NAALADL2: variants seen among roughly 807,000 people sequenced by gnomAD.
NAALADL2 encodes inactive N-acetylated-alpha-linked acidic dipeptidase-like protein 2.
In NAALADL2, 76 loss-of-function variants were observed where a neutral mutation model predicts 87.2. The observed-to-expected ratio is 0.87, with a 90% confidence interval of 0.72 to 1.05. The LOEUF (loss-of-function observed/expected upper bound fraction) is 1.05, where lower values mean the gene tolerates loss of function less well. NAALADL2 is among the 50% of genes least tolerant of loss of function. The probability of loss-of-function intolerance (pLI) is 0.00; values close to 1 mark genes in which losing one functional copy is unlikely to be tolerated. For missense variants in NAALADL2, 1,089 were observed against 945.8 expected (o/e 1.15, Z -1.99); for synonymous variants, 354 against 331.0 (o/e 1.07, Z -0.75).
chr3:175,494,684 T>C (rs563366424), intron 9 of NAALADL2, among the ~76,000 whole-genome samples: 7 of 152,200 alleles, frequency 4.6e-5, no homozygotes, highest in African/African-American at 1.4e-4. Context: ...CAGGTACCGA[T>C]TTCCAATCGG....
intron 3 of NAALADL2, among the ~76,000 whole-genome samples, chr3:174,752,732 A>C (rs1734963060): frequency 6.6e-6 from 1 of 151,848 alleles, no homozygotes; most frequent in African/African-American, 2.4e-5. Context: ...TTAATTTTTT[A>C]TGGATAAAAT....
At chr3:174,481,317 A>G (rs73881172) in intron 1 of NAALADL2, among the ~76,000 whole-genome samples, 3 of 152,052 alleles carry the variant, frequency 2.0e-5, no homozygotes, top group African/African-American at 4.8e-5. Flanking sequence ...AGAAAGAGTA[A>G]CATGAGGGGC....
chr3:174,744,977 T>A (rs892546063), intron 3 of NAALADL2, among the ~76,000 whole-genome samples: 3 of 152,110 alleles, frequency 2.0e-5, no homozygotes, highest in Non-Finnish European at 4.4e-5. Flanking sequence ...TAGCACTAAA[T>A]GCCCACATCA....
At chr3:174,794,112 G>A (rs1385165241) in intron 3 of NAALADL2, among the ~76,000 whole-genome samples, 1 of 151,816 alleles carries the variant, frequency 6.6e-6, no homozygotes, top group Non-Finnish European at 1.5e-5. Flanking sequence ...TAGTAGTTAT[G>A]GAATTATTTT....
chr3:175,085,497 C>G (rs763426974), intron 1 of NAALADL2, among the ~76,000 whole-genome samples: 4 of 152,140 alleles, frequency 2.6e-5, no homozygotes, highest in Admixed American at 6.5e-5. Context: ...TGGGGGCTCT[C>G]AAGTGTTATA....
At chr3:174,593,801 T>G (rs1474757480) in intron 2 of NAALADL2, among the ~76,000 whole-genome samples, 1 of 152,162 alleles carries the variant, frequency 6.6e-6, no homozygotes, top group Non-Finnish European at 1.5e-5. Context: ...GGAGGGTAGA[T>G]GTCCAATTTT....
chr3:174,865,418 T>G (rs903428595), intron 1 of NAALADL2, among the ~76,000 whole-genome samples: 1 of 152,016 alleles, frequency 6.6e-6, no homozygotes, highest in Admixed American at 6.6e-5. Flanking sequence ...TCTTGATTCC[T>G]TTGTTCTCTC....
chr3:175,280,013 C>A (rs1754083767), intron 4 of NAALADL2, among the ~76,000 whole-genome samples: 1 of 145,118 alleles, frequency 6.9e-6, no homozygotes, highest in Non-Finnish European at 1.5e-5. Context: ...GGAAAGTTGT[C>A]TTTTCCTTTC....
chr3:174,854,346 A>G (rs113891005), upstream of NAALADL2, among the ~76,000 whole-genome samples: 1,055 of 152,260 alleles, frequency 6.9e-3, 12 homozygotes, highest in African/African-American at 0.024. Context: ...GAACTTGTGG[A>G]GATAGAGAAT....
At chr3:175,251,649 C>T (rs982242112) in intron 3 of NAALADL2, among the ~76,000 whole-genome samples, 5 of 152,108 alleles carry the variant, frequency 3.3e-5, no homozygotes, top group Admixed American at 1.3e-4. Flanking sequence ...ATTGTAGCAA[C>T]AAGAATATGT....
chr3:174,590,110 T>C (rs1471404416), intron 2 of NAALADL2, among the ~76,000 whole-genome samples: 1 of 152,082 alleles, frequency 6.6e-6, no homozygotes, highest in African/African-American at 2.4e-5. Flanking sequence ...ATAAGACTTA[T>C]CTCACCCTTT....
intron 5 of NAALADL2, among the ~76,000 whole-genome samples, chr3:175,428,035 TG>T (rs1717113191): frequency 6.6e-6 from 1 of 152,122 alleles, no homozygotes; most frequent in African/African-American, 2.4e-5. Flanking sequence ...AGAACATAAA[TG>T]GCACTAATCT....
chr3:175,749,640 C>T (rs897526542), intron 12 of NAALADL2, among the ~76,000 whole-genome samples: 2 of 152,212 alleles, frequency 1.3e-5, no homozygotes, highest in African/African-American at 4.8e-5. Context: ...CTAATGGCCT[C>T]TGAAAGGCTC....
intron 10 of NAALADL2, among the ~76,000 whole-genome samples, chr3:175,603,836 C>A (rs964440980): frequency 7.9e-5 from 12 of 151,890 alleles, no homozygotes; most frequent in South Asian, 2.1e-4. Flanking sequence ...TAAAAAAAAA[C>A]CACAAAAATT....
At chr3:174,759,941 T>C (rs1712694638) in intron 3 of NAALADL2, among the ~76,000 whole-genome samples, 2 of 152,120 alleles carry the variant, frequency 1.3e-5, no homozygotes, top group South Asian at 4.1e-4. Context: ...CCTTGTGATC[T>C]GCCCGCCTCT....
intron 1 of NAALADL2, among the ~76,000 whole-genome samples, chr3:174,987,812 T>TATATATATATAATTTTA (rs1553911297): frequency 1.7e-5 from 2 of 120,072 alleles, no homozygotes; most frequent in African/African-American, 9.2e-5. Context: ...ATATATATAA[T>TATATATATATAATTTTA]TATATATATA....
At chr3:175,486,172 T>C (rs147383481) in intron 9 of NAALADL2, among the ~76,000 whole-genome samples, 39 of 152,310 alleles carry the variant, frequency 2.6e-4, no homozygotes, top group African/African-American at 9.4e-4. Flanking sequence ...AGTTTAAATA[T>C]TGCAAAACAT....
chr3:175,652,627 C>T lies in NAALADL2; in HGVS notation c.1896+25241C>T, dbSNP rs527787121. ...CCGAGTAGCTGGGACTACAGGCGCC[C>T]ACCACCGCGCCCGGCTAATTTTTTG... is the stretch of plus-strand genomic sequence containing the variant. On this transcript the variant is annotated intron_variant, in intron 11 of 13. Coordinates refer to ENST00000454872, the MANE Select transcript of NAALADL2 (RefSeq NM_207015.3). 7.9e-5 allele frequency among the ~76,000 whole-genome samples: 12 copies of T among 151,802 alleles called. No individual in the cohort carries two copies. In the East Asian group the frequency reaches 9.7e-4, roughly 12 times the overall value.
chr3:175,085,962 T>C (rs1435332540), intron 1 of NAALADL2, among the ~76,000 whole-genome samples: 1 of 152,112 alleles, frequency 6.6e-6, no homozygotes, highest in Non-Finnish European at 1.5e-5. Context: ...AGGTTATAAT[T>C]GTAAAGGATG....
Sources: gnomAD v4.1 joint callset for allele counts (sites outside exome capture counted in the v4.1 genomes callset) on GRCh38, gnomAD v4.1.1 for gene constraint, MANE v1.5 for transcripts, NCBI Gene and HGNC (gene_info 2026-07-23, HGNC 2026-07-21) for gene names.